The following DIAPH2 variants were observed in gnomAD, a reference collection of about 807,000 sequenced individuals.
The protein encoded by DIAPH2 is protein diaphanous homolog 2.
In DIAPH2, 35 loss-of-function variants were observed where a neutral mutation model predicts 92.7. The observed-to-expected ratio is 0.38, with a 90% CI of 0.29 to 0.50. The LOEUF (loss-of-function observed/expected upper bound fraction) is 0.50. Ranked by LOEUF, DIAPH2 falls within the 20% of genes least tolerant of loss-of-function variation. The probability of loss-of-function intolerance (pLI) is 0.94; values close to 1 mark genes in which losing one functional copy is unlikely to be tolerated. For missense variants in DIAPH2, 701 were observed against 819.5 expected, an observed-to-expected ratio of 0.86 and a Z score of 1.77; for synonymous variants, 301 against 280.4, an observed-to-expected ratio of 1.07 and a Z score of -0.73.
In DIAPH2 at chrX:96,962,486, C is replaced by CATATATATAT. The variant is rs1268359722; in HGVS notation, c.1936-2606_1936-2605insTATATATATA. Among the ~76,000 whole-genome samples the CATATATATAT allele has an allele frequency of 1.6e-3, 37 of 22,768 alleles. 3 individuals are homozygous for CATATATATAT. The highest frequency in any genetic ancestry group is 5.1e-3 in the African/African-American group (35 of 6,901). 19.8% of individuals were successfully genotyped at this position (22,768 alleles called of 115,157 possible). A position where few individuals can be genotyped will look rare whatever the true frequency, so the allele number is the denominator to read the frequency against. On this transcript the variant is annotated intron_variant, in intron 16 of 26. Coordinates refer to ENST00000324765, the MANE Select transcript of DIAPH2 (RefSeq NM_006729.5). ...ATATATACATATATATATACACACA[C>CATATATATAT]ACACACACACATATATATATATATA...
At chrX:97,276,100 C>G (rs2147594258) in intron 23 of DIAPH2, among the ~76,000 whole-genome samples, 1 of 112,255 alleles carries the variant, frequency 8.9e-6, no homozygotes, top group African/African-American at 3.2e-5. Context: ...CACAGCGAAA[C>G]CCCGTCTCCA....
intron 19 of DIAPH2, among the ~76,000 whole-genome samples, chrX:97,093,438 C>T (rs1430399234): frequency 9.0e-6 from 1 of 111,330 alleles, no homozygotes; most frequent in Non-Finnish European, 1.9e-5. Flanking sequence ...ACCAGGTACC[C>T]ACCCGCGTCT....
intron 22 of DIAPH2, among the ~76,000 whole-genome samples, chrX:97,201,202 G>C (rs941302000): frequency 1.1e-5 from 1 of 95,158 alleles, no homozygotes; most frequent in Admixed American, 1.3e-4. Context: ...AATCCATGAA[G>C]ATGAGGAAAA....
At chrX:97,416,615 A>G (rs2069949597) in intron 25 of DIAPH2, among the ~76,000 whole-genome samples, 1 of 111,977 alleles carries the variant, frequency 8.9e-6, no homozygotes, top group Admixed American at 9.5e-5. Context: ...ACACCAAGAT[A>G]CTAAAGTCGT....
intron 9 of DIAPH2, among the ~76,000 whole-genome samples, chrX:96,930,235 C>T (rs1418862022): frequency 9.1e-6 from 1 of 110,437 alleles, no homozygotes; most frequent in African/African-American, 3.3e-5. Flanking sequence ...TTGTACAAAT[C>T]ATCCCATTAA....
At chrX:96,729,415 A>G (rs990351538) in intron 1 of DIAPH2, among the ~76,000 whole-genome samples, 5 of 112,048 alleles carry the variant, frequency 4.5e-5, no homozygotes, top group Non-Finnish European at 9.4e-5. Context: ...GAACATTCTT[A>G]AAGACCTAAG....
chrX:97,115,407 G>A (rs952395391), intron 21 of DIAPH2, among the ~76,000 whole-genome samples: 5 of 110,251 alleles, frequency 4.5e-5, no homozygotes, highest in Non-Finnish European at 9.5e-5. Context: ...GCGGTGACGG[G>A]TACCTGTAAT....
chrX:96,738,652 A>G lies in DIAPH2; in HGVS notation c.232A>G (p.Ile78Val). 2 of 1,207,567 alleles carry G rather than the reference A, an allele frequency of 1.7e-6. No individual in the cohort carries two copies. The highest frequency in any genetic ancestry group is 3.6e-5 in the South Asian group (2 of 56,311). The change falls in exon 3 of 27, where the codon ATT becomes GTT. Residue 78 changes from isoleucine (I) to valine (V), a missense_variant. This residue lies in a region of DIAPH2 where 131 missense variants were observed against 145.6 expected (regional missense o/e 0.90). Coordinates refer to ENST00000324765, the MANE Select transcript of DIAPH2 (RefSeq NM_006729.5). ...KKEKPLIQHP[I>V]DSQVAMSEFP... ...AGAAAAACCTCTTATTCAACATCCT[A>G]TTGATTCTCAAGTCGCGATGAGTGA...
At chrX:96,734,355 T>C (rs2064074324) in intron 1 of DIAPH2, among the ~76,000 whole-genome samples, 1 of 111,647 alleles carries the variant, frequency 9.0e-6, no homozygotes, top group Non-Finnish European at 1.9e-5. Context: ...CAAGCGCACA[T>C]AGGGATGGTA....
intron 26 of DIAPH2, among the ~76,000 whole-genome samples, chrX:97,532,905 G>A (rs1006359100): frequency 4.5e-5 from 5 of 112,089 alleles, no homozygotes; most frequent in East Asian, 5.6e-4. Flanking sequence ...AAAAAATTTG[G>A]TTTTGCCCGC....
intron 26 of DIAPH2, among the ~76,000 whole-genome samples, chrX:97,577,848 A>G (rs752195638): frequency 8.9e-6 from 1 of 112,019 alleles, no homozygotes; most frequent in East Asian, 2.8e-4. Context: ...TTTATTACAC[A>G]TGTATTCTAA....
chrX:97,370,459 T>C (rs975691277), intron 24 of DIAPH2, among the ~76,000 whole-genome samples: 13 of 112,129 alleles, frequency 1.2e-4, no homozygotes, highest in Non-Finnish European at 2.4e-4. Context: ...TGATTTTTAG[T>C]GGAACAGTAC....
At chrX:97,361,524 A>G (rs1384228447) in intron 24 of DIAPH2, among the ~76,000 whole-genome samples, 1 of 112,342 alleles carries the variant, frequency 8.9e-6, no homozygotes, top group Non-Finnish European at 1.9e-5. Context: ...TTAGCTGCCT[A>G]GTGACATAAA....
At chrX:96,803,574 A>G (rs1319257190) in intron 4 of DIAPH2, among the ~76,000 whole-genome samples, 1 of 112,519 alleles carries the variant, frequency 8.9e-6, no homozygotes, top group Non-Finnish European at 1.9e-5. Flanking sequence ...CAGAACAAAG[A>G]AAGAATACCT....
intron 17 of DIAPH2, among the ~76,000 whole-genome samples, chrX:97,014,671 T>C (rs1414881436): frequency 9.0e-6 from 1 of 111,689 alleles, no homozygotes; most frequent in Non-Finnish European, 1.9e-5. Flanking sequence ...GAAGCTCTAG[T>C]GTGGTGCTTA....
intron 17 of DIAPH2, among the ~76,000 whole-genome samples, chrX:97,043,339 G>A (rs1297199552): frequency 9.0e-6 from 1 of 111,061 alleles, no homozygotes; most frequent in Non-Finnish European, 1.9e-5. Context: ...TAGTTGCCGT[G>A]TAATAAAAAT....
Position 97,315,587 on chromosome X carries a change from G to A in DIAPH2, c.2845-32529G>A, listed in dbSNP as rs1202412553. Among the ~76,000 whole-genome samples the A allele has an allele frequency of 3.6e-5, 4 of 110,812 alleles. No individual in the cohort carries two copies. The East Asian group carries it at 1.1e-3, about 31-fold the overall frequency. ...TATCTGTTTTATAAATTGGGTTTTT[G>A]TGTAGCACTGTGAAAAGAAAGTGTT... On this transcript the variant is annotated intron_variant, in intron 23 of 26. Transcript: ENST00000324765.
chrX:97,185,423 GTATATATATATGTGTA>G (rs1569323204), intron 22 of DIAPH2, among the ~76,000 whole-genome samples: 357 of 24,380 alleles, frequency 0.015, 54 homozygotes, highest in African/African-American at 0.059. Context: ...ATATATATAT[GTATATATATATGTGTA>G]TATATATATG....
intron 4 of DIAPH2, among the ~76,000 whole-genome samples, chrX:96,790,933 A>G (rs1257947371): frequency 9.0e-6 from 1 of 111,642 alleles, no homozygotes; most frequent in Non-Finnish European, 1.9e-5. Context: ...TGTACTCCTC[A>G]TCAGTGCTGT....
Sources: allele counts gnomAD v4.1 joint callset (sites outside exome capture counted in the v4.1 genomes callset), GRCh38; gene constraint gnomAD v4.1.1; regional missense constraint gnomAD v4.1.1; transcripts MANE v1.5; gene names NCBI Gene and HGNC (gene_info 2026-07-23, HGNC 2026-07-21).